PLXNA2: variants seen among roughly 807,000 people sequenced by gnomAD.
The protein encoded by PLXNA2 is plexin A2.
PLXNA2 carries 91 observed loss-of-function variants against 193.5 expected under a neutral mutation model. The ratio of observed to expected loss-of-function variants is 0.47; its 90% CI spans 0.40 to 0.56. The LOEUF (loss-of-function observed/expected upper bound fraction) is 0.56. PLXNA2 is among the 20% of genes least tolerant of loss of function. The pLI is 0.00. For synonymous variants in PLXNA2, 997 were observed against 1,027.3 expected (o/e 0.97, Z 0.56); for missense variants, 1,995 against 2,503.2 (o/e 0.80, Z 4.33).
At chr1:208,051,859 C>A (rs558646526) in intron 15 of PLXNA2, among the ~76,000 whole-genome samples, 70 of 152,324 alleles carry the variant, frequency 4.6e-4, no homozygotes, top group Non-Finnish European at 8.5e-4. Flanking sequence ...AAACTGGGTT[C>A]TCATCCATGG....
At position 208,152,679 on chromosome 1, in the gene PLXNA2, A is replaced by ACGCG. The variant is rs1553288560; in HGVS notation, c.1372-10217_1372-10216insCGCG. Among the ~76,000 whole-genome samples the ACGCG allele has an allele frequency of 8.7e-5, 7 of 80,064 alleles. No homozygotes were observed. The East Asian group carries it at 1.0e-3, about 12-fold the overall frequency. The allele number at this position is 80,064 out of a possible 152,430, so 52.5% of individuals were successfully genotyped here. A position where few individuals can be genotyped will look rare whatever the true frequency, so the allele number is the denominator to read the frequency against. ...TTCATGCATACACATACACACACAC[A>ACGCG]CACGCACACACACACACACACACAC... On this transcript the variant is annotated intron_variant, in intron 3 of 31. Coordinates refer to ENST00000367033, the MANE Select transcript of PLXNA2 (RefSeq NM_025179.4).
At chr1:208,079,562 A>G (rs1189219277) in intron 11 of PLXNA2, 112 bp from the exon 12 acceptor site, 3 of 734,496 alleles carry the variant, frequency 4.1e-6, no homozygotes, top group Admixed American at 2.6e-5. Flanking sequence ...CATGGATAAC[A>G]CCACCAATCA....
chr1:208,045,931 G>A lies in PLXNA2; in HGVS notation c.3442C>T (p.Leu1148Phe), dbSNP rs747914606. Residue 1148 changes from leucine to phenylalanine, a missense_variant, in exon 18 of 32, where the codon CTT becomes TTT. Coordinates refer to ENST00000367033, the MANE Select transcript of PLXNA2 (RefSeq NM_025179.4). Reference sequence around the variant, plus strand: ...TGATCCAAGACTCCAGTAGGGCTAAGCAGTTCAAAGGTCGGGTTGGGGTAG... The same window carrying A: ...TGATCCAAGACTCCAGTAGGGCTAAACAGTTCAAAGGTCGGGTTGGGGTAG... ...IYYPNPTFEL[L>F]SPTGVLDQKP... The A allele has an allele frequency of 2.0e-5, 33 of 1,614,150 alleles. No individual in the cohort carries two copies. Among genetic ancestry groups the A allele is most frequent in the Admixed American group, 1.8e-4 (11 of 60,014 alleles).
chr1:208,145,973 G>C (rs754769013), intron 3 of PLXNA2, among the ~76,000 whole-genome samples: 6 of 152,086 alleles, frequency 3.9e-5, no homozygotes, highest in Non-Finnish European at 8.8e-5. Flanking sequence ...ACTCACCCCC[G>C]ATCCATGCTA....
At position 208,096,872 on chromosome 1, in the gene PLXNA2, T is replaced by G. The variant is rs778973594; in HGVS notation, c.1743A>C (p.Val581=). 6.2e-7 allele frequency: 1 copy of G among 1,613,598 alleles called. No homozygotes were observed. The highest frequency in any genetic ancestry group is 8.5e-7 in the Non-Finnish European group (1 of 1,179,920). ...VSEHSRLLSL[V]VSDAPDLSAG... is the part of the protein sequence containing the mutation. The stretch of plus-strand genomic sequence containing the variant: ...CAGATAGATCAGGAGCATCACTCAC[T>G]ACCAGGCTAAGCTGTGGGAGGAGCA... Residue 581 remains valine, a synonymous_variant, in exon 7 of 32, where the codon GTA becomes GTC. Transcript: ENST00000367033.
chr1:208,184,405 C>T (rs2102552400), intron 3 of PLXNA2, among the ~76,000 whole-genome samples: 1 of 151,550 alleles, frequency 6.6e-6, no homozygotes, highest in South Asian at 2.1e-4. Flanking sequence ...TTCTGCCTCC[C>T]TTCTCCACCC....
intron 4 of PLXNA2, among the ~76,000 whole-genome samples, chr1:208,117,248 C>A (rs1277796704): frequency 1.3e-5 from 2 of 151,940 alleles, no homozygotes; most frequent in African/African-American, 2.4e-5. Context: ...AAGGCTGAAA[C>A]CTAACCACCC....
Position 208,051,043 on chromosome 1 carries a change from A to G in PLXNA2, c.3221T>C (p.Ile1074Thr). The change falls in exon 17 of 32, where the codon ATC becomes ACC. Residue 1074 changes from isoleucine (I) to threonine (T), a missense_variant. Coordinates refer to ENST00000367033, the MANE Select transcript of PLXNA2 (RefSeq NM_025179.4). ...FNLDVIQEPR[I>T]RVKFNGKESV... ...TTCTTTGCCATTGAATTTGACTCGG[A>G]TCCTTGGCTCCTGAATGACATCCAG... 1 of 1,614,080 alleles carries G rather than the reference A, an allele frequency of 6.2e-7. No individual in the cohort carries two copies. The highest frequency in any genetic ancestry group is 8.5e-7 in the Non-Finnish European group (1 of 1,179,976).
rs371220095 is a variant in PLXNA2, at chr1:208,043,126, G to T, written c.3952C>A (p.Arg1318Ser). The T allele has an allele frequency of 3.1e-6, 5 of 1,614,004 alleles. No homozygotes were observed. The African/African-American group carries it at 6.7e-5, about 22-fold the overall frequency. ...DRSGIPYLDY[R>S]TYAMRVLFPG... The stretch of plus-strand genomic sequence containing the variant: ...AACAGGACTCGCATAGCGTAGGTAC[G>T]ATAGTCCAGGTAAGGGATTCCTGAG... The change falls in exon 21 of 32, where the codon CGT (arginine) becomes AGT (serine). Residue 1318 changes from arginine to serine, a missense_variant. Arg to Ser is a moderately radical substitution (Grantham distance 110, BLOSUM62 -1). Coordinates refer to ENST00000367033, the MANE Select transcript of PLXNA2 (RefSeq NM_025179.4).
intron 12 of PLXNA2, among the ~76,000 whole-genome samples, chr1:208,061,701 A>G (rs1307052151): frequency 1.3e-5 from 2 of 152,232 alleles, no homozygotes; most frequent in East Asian, 3.8e-4. Flanking sequence ...AGAATAGCAG[A>G]ATCCAGGTCT....
At position 208,025,989 on chromosome 1, in the gene PLXNA2, C is replaced by G. The variant is rs1664332479; in HGVS notation, c.*1254G>C. Reference sequence around the variant, plus strand: ...ATGAGCGAAGGGTGGTCTCCCCTCTCCAGGCACGAGAGAATGAAAGAAAGA... The same window carrying G: ...ATGAGCGAAGGGTGGTCTCCCCTCTGCAGGCACGAGAGAATGAAAGAAAGA... On this transcript the variant is annotated 3_prime_UTR_variant, in exon 32 of 32. Transcript: ENST00000367033. The G allele has an allele frequency of 6.6e-6, 1 of 152,636 alleles. No homozygotes were observed. Among genetic ancestry groups the G allele is most frequent in the Non-Finnish European group, 1.5e-5 (1 of 68,040 alleles). The allele number at this position is 152,636 out of a possible 1,614,324, so 9.5% of individuals were successfully genotyped here.
At chr1:208,197,622 G>A (rs1250769697) in intron 3 of PLXNA2, among the ~76,000 whole-genome samples, 1 of 152,214 alleles carries the variant, frequency 6.6e-6, no homozygotes. Flanking sequence ...GGGCCCATCA[G>A]TAGGAGTTTG....
intron 21 of PLXNA2, among the ~76,000 whole-genome samples, chr1:208,042,702 G>C (rs1476706612): frequency 6.6e-6 from 1 of 152,172 alleles, no homozygotes; most frequent in Non-Finnish European, 1.5e-5. Context: ...TCCTCTGCCT[G>C]ATTTATTATC....
At chr1:208,031,461 G>A in intron 29 of PLXNA2, 129 bp downstream of exon 29, 1 of 1,333,562 alleles carries the variant, frequency 7.5e-7, no homozygotes, top group Non-Finnish European at 1.0e-6. Flanking sequence ...GTTTGTTCCA[G>A]GAGCTTTGGA....
chr1:208,042,991 A>G, intron 21 of PLXNA2, 70 bp downstream of exon 21: 1 of 1,534,954 alleles, frequency 6.5e-7, no homozygotes, highest in Admixed American at 1.7e-5. Context: ...GCTGAGTCTC[A>G]TCTGGATTTC....
At position 208,040,007 on chromosome 1, in the gene PLXNA2, C is replaced by T; in HGVS notation, c.4338G>A (p.Leu1446=). 4 of 1,614,088 alleles carry T rather than the reference C, an allele frequency of 2.5e-6. No individual in the cohort carries two copies. The highest frequency in any genetic ancestry group is 2.5e-6 in the Non-Finnish European group (3 of 1,179,978). Residue 1446 remains leucine, a synonymous_variant, in exon 23 of 32, where the codon CTG becomes CTA. Transcript: ENST00000367033. The part of the protein sequence containing the change: ...KMLTNWFAFL[L]HKFLKECAGE... Reference sequence around the variant, plus strand: ...CCTTTCTCACCTTTAGGAACTTGTGCAGGAGGAAGGCGAACCAATTGGTCA... The same window carrying T: ...CCTTTCTCACCTTTAGGAACTTGTGTAGGAGGAAGGCGAACCAATTGGTCA...
intron 12 of PLXNA2, among the ~76,000 whole-genome samples, chr1:208,074,535 A>T (rs918947138): frequency 2.6e-5 from 4 of 152,210 alleles, no homozygotes. Context: ...AACTTGTTCT[A>T]CATGAAGCTG....
At chr1:208,221,475 C>CT (rs1183501334) in intron 1 of PLXNA2, among the ~76,000 whole-genome samples, 1 of 132,698 alleles carries the variant, frequency 7.5e-6, no homozygotes, top group Admixed American at 9.1e-5. Flanking sequence ...GCAGCATTTG[C>CT]TTTGGGACAG....
At chr1:208,180,452 A>G (rs184766609) in intron 3 of PLXNA2, among the ~76,000 whole-genome samples, 9 of 152,278 alleles carry the variant, frequency 5.9e-5, no homozygotes, top group Middle Eastern at 6.8e-3. Flanking sequence ...GGCAGTGGCT[A>G]TGGCTGCCTG....
Sources: gnomAD v4.1 joint callset for allele counts (sites outside exome capture counted in the v4.1 genomes callset) on GRCh38, gnomAD v4.1.1 for gene constraint, MANE v1.5 for transcripts, NCBI Gene and HGNC (gene_info 2026-07-23, HGNC 2026-07-21) for gene names.